KAT6B: variants seen among roughly 807,000 people sequenced by gnomAD.
The protein encoded by KAT6B is lysine acetyltransferase 6B, also known as histone acetyltransferase KAT6B.
KAT6B carries 10 observed loss-of-function variants against 187.5 expected under a neutral mutation model. The observed-to-expected ratio is 0.05, with a 90% confidence interval of 0.03 to 0.09. The LOEUF is 0.09. Ranked by LOEUF, KAT6B falls within the 10% of genes least tolerant of loss-of-function variation. The pLI, the probability that KAT6B is intolerant of heterozygous loss-of-function variation, is 1.00. For synonymous variants in KAT6B, 861 were observed against 926.8 expected, an observed-to-expected ratio of 0.93 and a Z score of 1.29; for missense variants, 1,952 against 2,558.9, an observed-to-expected ratio of 0.76 and a Z score of 5.12.
intron 3 of KAT6B, among the ~76,000 whole-genome samples, chr10:74,872,242 G>A (rs1303573205): frequency 6.6e-6 from 1 of 152,170 alleles, no homozygotes; most frequent in Admixed American, 6.5e-5. Context: ...GACAAGAGAA[G>A]CGGCTTCTAG....
chr10:75,005,422 T>C (rs1844141340), intron 13 of KAT6B, among the ~76,000 whole-genome samples: 1 of 151,980 alleles, frequency 6.6e-6, no homozygotes, highest in African/African-American at 2.4e-5. Context: ...TTTGCCATGT[T>C]GCCCAGGCTG....
At chr10:74,963,903 C>T (rs1408812338) in intron 4 of KAT6B, among the ~76,000 whole-genome samples, 2 of 151,972 alleles carry the variant, frequency 1.3e-5, no homozygotes, top group Admixed American at 6.6e-5. Context: ...GCAGGTGGAT[C>T]ACCTGAGGTC....
chr10:74,840,365 T>C (rs1001132694), intron 2 of KAT6B, among the ~76,000 whole-genome samples: 3 of 152,166 alleles, frequency 2.0e-5, no homozygotes. Context: ...GGTTTTGTCG[T>C]TAGTGGTTTT....
In KAT6B at chr10:75,030,661, G is replaced by T; in HGVS notation, c.5837G>T (p.Arg1946Leu). 6.2e-7 allele frequency: 1 copy of T among 1,614,174 alleles called. No individual in the cohort carries two copies. Among genetic ancestry groups the T allele is most frequent in the Non-Finnish European group, 8.5e-7 (1 of 1,180,022 alleles). ...AATHQSQIYG[R>L]SQTVAMQGPA... Reference sequence around the variant, plus strand: ...ACCCATCAGTCACAAATCTATGGGCGCTCCCAGACTGTAGCCATGCAGGGT... The same window carrying T: ...ACCCATCAGTCACAAATCTATGGGCTCTCCCAGACTGTAGCCATGCAGGGT... The change falls in exon 18 of 18, where the codon CGC becomes CTC. Residue 1946 changes from arginine to leucine, a missense_variant. By Grantham distance (102) the Arg-to-Leu change is moderately radical. Transcript: ENST00000287239. This position sits in a 1 kb window ranked among gnomAD's most constrained non-coding sequence, Gnocchi z 4.8.
chr10:74,848,287 G>T (rs1217588432), intron 3 of KAT6B, among the ~76,000 whole-genome samples: 1 of 152,114 alleles, frequency 6.6e-6, no homozygotes, highest in African/African-American at 2.4e-5. Flanking sequence ...GGCTAGATGC[G>T]GCCCTGAATG....
At chr10:74,860,263 G>A (rs1476021079) in intron 3 of KAT6B, among the ~76,000 whole-genome samples, 2 of 152,118 alleles carry the variant, frequency 1.3e-5, no homozygotes, top group South Asian at 2.1e-4. Flanking sequence ...CATAGCAAAA[G>A]CAAACAAGCA....
intron 3 of KAT6B, among the ~76,000 whole-genome samples, chr10:74,861,844 A>C (rs868234004): frequency 1.1e-4 from 17 of 152,210 alleles, no homozygotes; most frequent in African/African-American, 4.1e-4. Context: ...TCTGAGGAAG[A>C]AGGAAGTACT....
At chr10:74,886,981 G>A (rs12250792) in intron 3 of KAT6B, among the ~76,000 whole-genome samples, 3,528 of 152,224 alleles carry the variant, frequency 0.023, 137 homozygotes, top group African/African-American at 0.08. Context: ...TCAGCAGTGG[G>A]GAGCAGAATG....
In KAT6B at chr10:75,021,995, T is replaced by C. The variant is rs560182393; in HGVS notation, c.3136T>C (p.Leu1046=). The C allele has an allele frequency of 5.0e-6, 8 of 1,613,826 alleles. No homozygotes were observed. The highest frequency in any genetic ancestry group is 5.9e-6 in the Non-Finnish European group (7 of 1,180,006). Residue 1046 remains leucine (L), a synonymous_variant, in exon 16 of 18, where the codon TTG becomes CTG. Transcript: ENST00000287239. ...AAAAGTACAATCGAAAAATAAATATTTGCATTCCCCGGAGAGCCGGCCAGT... is the reference window on the plus strand; with the variant it reads ...AAAAGTACAATCGAAAAATAAATATCTGCATTCCCCGGAGAGCCGGCCAGT... ...PAKVQSKNKY[L]HSPESRPVTG...
In KAT6B at chr10:74,968,266, C is replaced by T. The variant is rs146693276; in HGVS notation, c.731-1394C>T. On this transcript the variant is annotated intron_variant, in intron 4 of 17. Transcript: ENST00000287239. ...CTTGCATTCATTTGAATGAGAGAAG[C>T]CTCATAAAAGAACAGTGTCACAGGT... Among the ~76,000 whole-genome samples the T allele has an allele frequency of 7.9e-5, 12 of 152,294 alleles. No homozygotes were observed. The East Asian group carries it at 2.3e-3, about 29-fold the overall frequency.
chr10:74,834,616 G>A (rs933139908), intron 1 of KAT6B, among the ~76,000 whole-genome samples: 5 of 152,130 alleles, frequency 3.3e-5, no homozygotes, highest in African/African-American at 9.7e-5. Context: ...CCTCCTGGGC[G>A]GCTCAAGAGA....
intron 3 of KAT6B, among the ~76,000 whole-genome samples, chr10:74,855,051 A>G (rs1422065566): frequency 6.6e-6 from 1 of 152,194 alleles, no homozygotes; most frequent in African/African-American, 2.4e-5. Context: ...TAGCATTGCA[A>G]AATCTTAGCA....
At chr10:74,846,177 T>G (rs533087804) in intron 3 of KAT6B, among the ~76,000 whole-genome samples, 1 of 152,176 alleles carries the variant, frequency 6.6e-6, no homozygotes, top group South Asian at 2.1e-4. Flanking sequence ...ATTTATTTGT[T>G]AACTATATTT....
At position 74,832,655 on chromosome 10, in the gene KAT6B, C is replaced by T. The variant is rs191590590; in HGVS notation, c.-329+5870C>T. On this transcript the variant is annotated intron_variant, in intron 1 of 17. Transcript: ENST00000287239. ...GAGCTGGGATTACAGGCATGCGCCA[C>T]CACGCCTGCTAATTTTTTGTATTTA... Among the ~76,000 whole-genome samples the T allele has an allele frequency of 9.0e-3, 1,366 of 152,014 alleles. 21 individuals carry two copies. The highest frequency in any genetic ancestry group is 0.031 in the African/African-American group (1,307 of 41,508).
intron 3 of KAT6B, among the ~76,000 whole-genome samples, chr10:74,911,204 T>TA (rs1847178657): frequency 1.3e-5 from 2 of 152,172 alleles, no homozygotes; most frequent in East Asian, 3.8e-4. Context: ...AAACATGCTT[T>TA]AAAAAATTTA....
At chr10:74,935,201 T>C (rs757679449) in intron 3 of KAT6B, among the ~76,000 whole-genome samples, 6 of 152,290 alleles carry the variant, frequency 3.9e-5, no homozygotes, top group Middle Eastern at 6.8e-3. Context: ...GCAATAAACA[T>C]TTACTGTTAT....
intron 13 of KAT6B, among the ~76,000 whole-genome samples, chr10:74,997,337 G>A (rs779468497): frequency 7.3e-5 from 11 of 149,984 alleles, no homozygotes; most frequent in African/African-American, 2.5e-4. Context: ...TGGTGGCCAC[G>A]ACATTGCTGA....
intron 13 of KAT6B, among the ~76,000 whole-genome samples, chr10:75,014,173 C>A (rs867489607): frequency 5.2e-4 from 79 of 152,214 alleles, no homozygotes; most frequent in African/African-American, 1.7e-3. Flanking sequence ...AATACCAAAG[C>A]AATCTATGAA....
intron 13 of KAT6B, among the ~76,000 whole-genome samples, chr10:74,999,476 G>A (rs942027695): frequency 7.2e-5 from 11 of 152,332 alleles, no homozygotes; most frequent in Middle Eastern, 3.4e-3. Flanking sequence ...TGCTTGGAGT[G>A]TTAACATCTA....
Sources: allele counts gnomAD v4.1 joint callset (sites outside exome capture counted in the v4.1 genomes callset), GRCh38; gene constraint gnomAD v4.1.1; non-coding constraint Gnocchi (gnomAD v3.1); transcripts MANE v1.5; gene names NCBI Gene and HGNC (gene_info 2026-07-23, HGNC 2026-07-21).